The following TRMT112 variants were observed in gnomAD, a reference collection of about 807,000 sequenced individuals.
The protein encoded by TRMT112 is multifunctional methyltransferase subunit TRM112-like protein.
TRMT112 carries 9 observed loss-of-function variants against 13.8 expected under a neutral mutation model. The ratio of observed to expected loss-of-function variants is 0.65; its 90% CI spans 0.39 to 1.14. The LOEUF is 1.14. Ranked by LOEUF, TRMT112 falls within the 50% of genes most tolerant of loss-of-function variation. The pLI is 0.01. For synonymous variants in TRMT112, 64 were observed against 67.0 expected (o/e 0.96, Z 0.22); for missense variants, 196 against 165.5 (o/e 1.18, Z -1.01).
upstream of TRMT112, chr11:64,317,581 C>T: frequency 3.4e-6 from 5 of 1,475,078 alleles, no homozygotes; most frequent in Non-Finnish European, 4.6e-6. Context: ...TCCTCCGCTG[C>T]CTCACTTCCG....
Position 64,317,313 on chromosome 11 carries a change from C to A in TRMT112, c.131G>T (p.Arg44Leu), listed in dbSNP as rs1223976816. ...CGACCACTCCACTTTAGGTATCATA[C>A]GCGCCACGAAGTTGGGGTTGAATTC... The part of the protein sequence containing the change: ...PVEFNPNFVA[R>L]MIPKVEWSAF... Residue 44 changes from arginine to leucine, a missense_variant, in exon 2 of 4, where the codon CGT becomes CTT. Transcript: ENST00000544844. 1 of 1,614,110 alleles carries A rather than the reference C, an allele frequency of 6.2e-7. No individual in the cohort carries two copies.
Position 64,317,474 on chromosome 11 carries a change from GA to G in TRMT112, c.52del (p.Ser18ProfsTer28). 2 of 1,608,838 alleles carry G rather than the reference GA, an allele frequency of 1.2e-6. No individual in the cohort carries two copies. Among genetic ancestry groups the G allele is most frequent in the Non-Finnish European group, 1.7e-6 (2 of 1,177,262 alleles). On this transcript the variant is annotated frameshift_variant, in exon 1 of 4. Transcript: ENST00000544844. LOFTEE classifies it high-confidence loss of function. The part of the protein sequence containing the change: ...LLSSHVRGVG[S>X]RGFPLRLQAT... Reference sequence around the variant, plus strand: ...CTGGAGGCGCAGGGGGAAGCCACGGGACCCCACCCCCCGCACATGCGAGCTC... The same window carrying G: ...CTGGAGGCGCAGGGGGAAGCCACGGGCCCCACCCCCCGCACATGCGAGCTC...
chr11:64,317,214 G>A (rs762373629), intron 2 of TRMT112, 50 bp downstream of exon 2: 1 of 1,608,514 alleles, frequency 6.2e-7, no homozygotes, highest in African/African-American at 1.3e-5. Flanking sequence ...GCTGAGGTGT[G>A]CCCGCCCCGC....
upstream of TRMT112, chr11:64,318,107 C>A (rs573251178): frequency 8.7e-6 from 13 of 1,496,180 alleles, no homozygotes; most frequent in Non-Finnish European, 1.2e-5. Context: ...GCAGTGGAGG[C>A]GGCCCAGGCC....
chr11:64,318,015 G>C, upstream of TRMT112: 1 of 1,412,920 alleles, frequency 7.1e-7, no homozygotes, highest in Non-Finnish European at 9.2e-7. Context: ...CCCATTTGTA[G>C]TTGCGTCGGC....
Position 64,316,745 on chromosome 11 carries a change from ACT to A in TRMT112, c.*114_*115del, listed in dbSNP as rs1491317731. 1.4e-6 allele frequency: 1 copy of A among 717,162 alleles called. No individual in the cohort carries two copies. Among genetic ancestry groups the A allele is most frequent in the Admixed American group, 2.4e-5 (1 of 41,578 alleles). The allele number at this position is 717,162 out of a possible 1,614,324, so 44.4% of individuals were successfully genotyped here. ...AATATATAATACCGAGCTCAAAAAC[ACT>A]GTGTTTGGTGTCATTGGGTCAAGGG... On this transcript the variant is annotated 3_prime_UTR_variant, in exon 4 of 4. Coordinates refer to ENST00000544844, the MANE Select transcript of TRMT112 (RefSeq NM_016404.3).
chr11:64,317,051 T>C lies in TRMT112; in HGVS notation c.270+7A>G. On this transcript the variant is annotated splice_region_variant and intron_variant, in intron 3 of 3. Coordinates refer to ENST00000544844, the MANE Select transcript of TRMT112 (RefSeq NM_016404.3). Reference sequence around the variant, plus strand: ...GCCCGGGAAGCAAGTGATGGGCCGCTTCTCACCTCCAGCAGCAGGTGGTGC... The same window carrying C: ...GCCCGGGAAGCAAGTGATGGGCCGCCTCTCACCTCCAGCAGCAGGTGGTGC... 6.2e-7 allele frequency: 1 copy of C among 1,614,108 alleles called. No individual in the cohort carries two copies. The highest frequency in any genetic ancestry group is 8.5e-7 in the Non-Finnish European group (1 of 1,179,986).
At chr11:64,318,296 A>C (rs563893744), upstream of TRMT112, 93 of 1,612,444 alleles carry the variant, frequency 5.8e-5, no homozygotes, top group Non-Finnish European at 7.5e-5. Context: ...AGTCTGCGGC[A>C]GCGGCAGCAA....
chr11:64,317,497 G>A lies in TRMT112; in HGVS notation c.30C>T (p.Ser10=), dbSNP rs574861213. Residue 10 remains serine (S), a synonymous_variant, in exon 1 of 4, where the codon AGC becomes AGT. Coordinates refer to ENST00000544844, the MANE Select transcript of TRMT112 (RefSeq NM_016404.3). The part of the protein sequence containing the change: MKLLTHNLL[S]SHVRGVGSRG... ...GGGACCCCACCCCCCGCACATGCGA[G>A]CTCAGCAGATTGTGGGTAAGCAGTT... is the stretch of plus-strand genomic sequence containing the variant. 4.4e-6 allele frequency: 7 copies of A among 1,601,084 alleles called. No homozygotes were observed. Among genetic ancestry groups the A allele is most frequent in the East Asian group, 4.5e-5 (2 of 44,428 alleles).
At position 64,316,966 on chromosome 11, in the gene TRMT112, C is replaced by T. The variant is rs1259026860; in HGVS notation, c.273G>A (p.Val91=). 2.5e-6 allele frequency: 4 copies of T among 1,613,328 alleles called. No homozygotes were observed. The African/African-American group carries it at 4.0e-5, about 16-fold the overall frequency. ...ACTGCAGGGTGCCCTCTATCACTTC[C>T]ACCTGCGGGCAGGGAGGGACAGAGC... ...LRTMHHLLLE[V]EVIEGTLQCP... is the part of the protein sequence containing the mutation. The change falls in exon 4 of 4, where the codon GTG becomes GTA. Residue 91 remains valine, a splice_region_variant and synonymous_variant. Coordinates refer to ENST00000544844, the MANE Select transcript of TRMT112 (RefSeq NM_016404.3).
At chr11:64,318,035 C>T, upstream of TRMT112, 1 of 1,431,248 alleles carries the variant, frequency 7.0e-7, no homozygotes, top group Non-Finnish European at 9.1e-7. Context: ...CTGTCCAGCA[C>T]CCAGTGCAAA....
rs1565380121 is a variant in TRMT112, at chr11:64,317,274, G to A, written c.170C>T (p.Ala57Val). The change falls in exon 2 of 4, where the codon GCG becomes GTG. Residue 57 changes from alanine to valine, a missense_variant. By Grantham distance (64) the Ala-to-Val change is moderately conservative. Coordinates refer to ENST00000544844, the MANE Select transcript of TRMT112 (RefSeq NM_016404.3). Reference protein sequence around the residue: ...PKVEWSAFLEAADNLRLIQVP... With the variant: ...PKVEWSAFLEVADNLRLIQVP... The stretch of plus-strand genomic sequence containing the variant: ...GGTAAGGATCCTCACGTTATCGGCC[G>A]CCTCCAGGAACGCCGACCACTCCAC... 6.2e-7 allele frequency: 1 copy of A among 1,610,252 alleles called. No homozygotes were observed. The highest frequency in any genetic ancestry group is 2.2e-5 in the East Asian group (1 of 44,774).
At chr11:64,317,036 C>T (rs972339891) in intron 3 of TRMT112, 22 bp downstream of exon 3, 3 of 1,613,988 alleles carry the variant, frequency 1.9e-6, no homozygotes, top group Non-Finnish European at 2.5e-6. Context: ...GCCCGGGAAG[C>T]AAGTGATGGG....
At position 64,317,314 on chromosome 11, in the gene TRMT112, G is replaced by C. The variant is rs2035319058; in HGVS notation, c.130C>G (p.Arg44Gly). 1 of 1,614,152 alleles carries C rather than the reference G, an allele frequency of 6.2e-7. No homozygotes were observed. The highest frequency in any genetic ancestry group is 8.5e-7 in the Non-Finnish European group (1 of 1,179,992). The change falls in exon 2 of 4, where the codon CGT becomes GGT. Residue 44 changes from arginine (R) to glycine (G), a missense_variant. Arg to Gly is a moderately radical substitution (Grantham distance 125, BLOSUM62 -2). Coordinates refer to ENST00000544844, the MANE Select transcript of TRMT112 (RefSeq NM_016404.3). ...PVEFNPNFVARMIPKVEWSAF... is the reference protein window; with the variant it reads ...PVEFNPNFVAGMIPKVEWSAF... Reference sequence around the variant, plus strand: ...GACCACTCCACTTTAGGTATCATACGCGCCACGAAGTTGGGGTTGAATTCC... The same window carrying C: ...GACCACTCCACTTTAGGTATCATACCCGCCACGAAGTTGGGGTTGAATTCC...
At position 64,317,265 on chromosome 11, in the gene TRMT112, T is replaced by C; in HGVS notation, c.179A>G (p.Asn60Ser). Residue 60 changes from asparagine (N) to serine (S), a missense_variant and splice_region_variant, in exon 2 of 4, where the codon AAC becomes AGC. Physicochemically the swap from Asn to Ser is conservative, Grantham distance 46. Transcript: ENST00000544844. ...CTGGGGCGGGGTAAGGATCCTCACG[T>C]TATCGGCCGCCTCCAGGAACGCCGA... ...EWSAFLEAADNLRLIQVPKGP... is the reference protein window; with the variant it reads ...EWSAFLEAADSLRLIQVPKGP... 3 of 1,610,116 alleles carry C rather than the reference T, an allele frequency of 1.9e-6. No individual in the cohort carries two copies. Among genetic ancestry groups the C allele is most frequent in the Non-Finnish European group, 2.5e-6 (3 of 1,176,706 alleles).
chr11:64,316,898 G>C lies in TRMT112; in HGVS notation c.341C>G (p.Pro114Arg). Residue 114 changes from proline to arginine, a missense_variant, in exon 4 of 4, where the codon CCC becomes CGC. By Grantham distance (103) the Pro-to-Arg change is moderately radical. Coordinates refer to ENST00000544844, the MANE Select transcript of TRMT112 (RefSeq NM_016404.3). ...GRMFPISRGI[P>R]NMLLSEEETE... ...TTCCTCTTCACTCAGCAGCATGTTGGGGATCCCGCGGCTGATGGGGAACAT... is the reference window on the plus strand; with the variant it reads ...TTCCTCTTCACTCAGCAGCATGTTGCGGATCCCGCGGCTGATGGGGAACAT... 1 of 1,608,574 alleles carries C rather than the reference G, an allele frequency of 6.2e-7. No individual in the cohort carries two copies. The highest frequency in any genetic ancestry group is 2.2e-5 in the East Asian group (1 of 44,852).
rs1056828281 is a variant in TRMT112, at chr11:64,317,212, G to C, written c.180+52C>G. The C allele has an allele frequency of 6.2e-6, 10 of 1,609,216 alleles. No homozygotes were observed. In the South Asian group the frequency reaches 8.8e-5, roughly 14 times the overall value. On this transcript the variant is annotated intron_variant, in intron 2 of 3. Transcript: ENST00000544844. Reference sequence around the variant, plus strand: ...ACTCCCGCCTCAGCCCGGCTGAGGTGTGCCCGCCCCGCATTCCCCGGGATA... The same window carrying C: ...ACTCCCGCCTCAGCCCGGCTGAGGTCTGCCCGCCCCGCATTCCCCGGGATA...
At position 64,316,933 on chromosome 11, in the gene TRMT112, T is replaced by C. The variant is rs1423648927; in HGVS notation, c.306A>G (p.Glu102=). Reference sequence around the variant, plus strand: ...GGCTGATGGGGAACATACGTCCAGATTCCGGGCACTGCAGGGTGCCCTCTA... The same window carrying C: ...GGCTGATGGGGAACATACGTCCAGACTCCGGGCACTGCAGGGTGCCCTCTA... The part of the protein sequence containing the change: ...EVIEGTLQCP[E]SGRMFPISRG... The change falls in exon 4 of 4, where the codon GAA becomes GAG. Residue 102 remains glutamate, a synonymous_variant. Coordinates refer to ENST00000544844, the MANE Select transcript of TRMT112 (RefSeq NM_016404.3). The C allele has an allele frequency of 7.4e-6, 12 of 1,613,028 alleles. No individual in the cohort carries two copies.
chr11:64,317,404 G>T, intron 1 of TRMT112, 39 bp from the exon 2 acceptor site: 1 of 1,613,942 alleles, frequency 6.2e-7, no homozygotes, highest in South Asian at 1.1e-5. Context: ...CTGGACCCCG[G>T]CCCACCATCC....
Sources: allele counts gnomAD v4.1 joint callset, GRCh38; gene constraint gnomAD v4.1.1; transcripts MANE v1.5; gene names NCBI Gene and HGNC (gene_info 2026-07-23, HGNC 2026-07-21).